Variants in GLDC observed in about 807,000 individuals in gnomAD.
GLDC encodes glycine dehydrogenase (decarboxylating), mitochondrial.
Under a neutral mutation model 121.3 loss-of-function variants are expected in GLDC, and 104 were observed. The observed-to-expected ratio is 0.86, with a 90% CI of 0.73 to 1.01. The LOEUF (loss-of-function observed/expected upper bound fraction) is 1.01. GLDC is among the 50% of genes least tolerant of loss of function. GLDC has a pLI of 0.00. For missense variants in GLDC, 1,429 were observed against 1,306.6 expected (o/e 1.09, Z -1.44); for synonymous variants, 546 against 480.6 (o/e 1.14, Z -1.78).
intron 8 of GLDC, among the ~76,000 whole-genome samples, chr9:6,600,953 T>G (rs779382347): frequency 6.6e-6 from 1 of 152,076 alleles, no homozygotes; most frequent in Non-Finnish European, 1.5e-5. Flanking sequence ...GGTGGGTGGA[T>G]CATGAGGTCA....
chr9:6,577,200 A>G (rs1271601566), intron 15 of GLDC, among the ~76,000 whole-genome samples: 1 of 152,222 alleles, frequency 6.6e-6, no homozygotes, highest in Non-Finnish European at 1.5e-5. Context: ...GCAGGCCTGA[A>G]AGTTACATTT....
chr9:6,554,392 T>C (rs948529322), intron 19 of GLDC, among the ~76,000 whole-genome samples: 3 of 152,192 alleles, frequency 2.0e-5, no homozygotes, highest in Admixed American at 2.0e-4. Context: ...TCAGGTGAAG[T>C]TCCCTATTCA....
At chr9:6,582,046 C>T (rs1818179956) in intron 15 of GLDC, among the ~76,000 whole-genome samples, 1 of 150,984 alleles carries the variant, frequency 6.6e-6, no homozygotes, top group Non-Finnish European at 1.5e-5. Context: ...GAAACCCGAT[C>T]TCCACTAAAA....
intron 4 of GLDC, among the ~76,000 whole-genome samples, chr9:6,607,575 C>G (rs1384975652): frequency 6.6e-6 from 1 of 152,102 alleles, no homozygotes; most frequent in African/African-American, 2.4e-5. Flanking sequence ...GAGCGAGACT[C>G]TGTCTTAAAT....
At chr9:6,618,232 A>G (rs754970330) in intron 3 of GLDC, among the ~76,000 whole-genome samples, 3 of 152,182 alleles carry the variant, frequency 2.0e-5, no homozygotes, top group Non-Finnish European at 4.4e-5. Context: ...TTTCTGGTGT[A>G]TAAAATGGCA....
intron 15 of GLDC, among the ~76,000 whole-genome samples, chr9:6,566,175 G>A (rs779351176): frequency 2.4e-4 from 37 of 152,266 alleles, no homozygotes; most frequent in Admixed American, 3.3e-4. Flanking sequence ...TCTGTGAGGC[G>A]GAGACTGCAG....
chr9:6,593,083 T>C (rs1421149379), intron 9 of GLDC, 93 bp from the exon 10 acceptor site: 6 of 1,362,126 alleles, frequency 4.4e-6, no homozygotes, highest in East Asian at 4.6e-5. Context: ...TAAATTCTAC[T>C]AGACTCTTGT....
At chr9:6,622,165 C>CACACAG (rs1819113129) in intron 2 of GLDC, among the ~76,000 whole-genome samples, 1 of 139,030 alleles carries the variant, frequency 7.2e-6, no homozygotes, top group African/African-American at 3.2e-5. Flanking sequence ...CACAGACACA[C>CACACAG]ACACACACAC....
intron 21 of GLDC, among the ~76,000 whole-genome samples, chr9:6,546,551 C>G (rs921642103): frequency 6.6e-6 from 1 of 152,120 alleles, no homozygotes; most frequent in African/African-American, 2.4e-5. Flanking sequence ...GTAACACACA[C>G]GGAGCTGCTA....
At chr9:6,613,447 G>A (rs1048448652) in intron 3 of GLDC, among the ~76,000 whole-genome samples, 3 of 152,120 alleles carry the variant, frequency 2.0e-5, no homozygotes, top group African/African-American at 4.8e-5. Context: ...GCAACATAGC[G>A]AGACTCTGTC....
chr9:6,620,108 G>C, intron 3 of GLDC, 76 bp downstream of exon 3: 2 of 1,454,000 alleles, frequency 1.4e-6, no homozygotes, highest in African/African-American at 1.4e-5. Context: ...CTCTGAGACT[G>C]CAAGGGGACA....
At chr9:6,534,840 C>T (rs371653704) in intron 23 of GLDC, 52 bp from the exon 24 acceptor site, 68 of 943,480 alleles carry the variant, frequency 7.2e-5, no homozygotes, top group Non-Finnish European at 1.0e-4. Context: ...ACTCTCTTCT[C>T]CTCCTACCCT....
chr9:6,639,659 T>TAAAAAAA (rs202066422), intron 2 of GLDC: 12 of 269,174 alleles, frequency 4.5e-5, no homozygotes, highest in South Asian at 9.3e-5. Flanking sequence ...CTTTTCACCA[T>TAAAAAAA]AAAAAAAAAG....
chr9:6,622,631 G>C (rs1275859522), intron 2 of GLDC, among the ~76,000 whole-genome samples: 1 of 152,182 alleles, frequency 6.6e-6, no homozygotes, highest in Non-Finnish European at 1.5e-5. Context: ...GCCTCCCAAA[G>C]TGCCGAGATG....
intron 1 of GLDC, 115 bp from the exon 2 acceptor site, chr9:6,644,807 T>A: frequency 1.3e-6 from 1 of 747,956 alleles, no homozygotes; most frequent in Non-Finnish European, 2.4e-6. Context: ...ATTAGGGTTC[T>A]TTTTAAAAGA....
At chr9:6,580,295 G>C (rs1182828539) in intron 15 of GLDC, among the ~76,000 whole-genome samples, 1 of 152,166 alleles carries the variant, frequency 6.6e-6, no homozygotes, top group Non-Finnish European at 1.5e-5. Context: ...ATAACAAAAT[G>C]TTGAGTTACC....
chr9:6,603,038 G>A (rs368308879), intron 7 of GLDC, among the ~76,000 whole-genome samples: 3 of 151,880 alleles, frequency 2.0e-5, no homozygotes, highest in Non-Finnish European at 4.4e-5. Context: ...GACCAGCCTG[G>A]CCAACATGGT....
At chr9:6,574,147 G>T (rs1397489358) in intron 15 of GLDC, among the ~76,000 whole-genome samples, 3 of 145,254 alleles carry the variant, frequency 2.1e-5, no homozygotes, top group Non-Finnish European at 4.7e-5. Flanking sequence ...CAGAGCAGTG[G>T]TTCTCACGCT....
chr9:6,629,957 A>ATATTT, intron 2 of GLDC, among the ~76,000 whole-genome samples: 2 of 83,102 alleles, frequency 2.4e-5, no homozygotes, highest in African/African-American at 6.9e-5. Flanking sequence ...ATATATATAT[A>ATATTT]TTTTTTTTTT....
Sources: gnomAD v4.1 joint callset for allele counts (sites outside exome capture counted in the v4.1 genomes callset) on GRCh38, gnomAD v4.1.1 for gene constraint, MANE v1.5 for transcripts, NCBI Gene and HGNC (gene_info 2026-07-23, HGNC 2026-07-21) for gene names.